The following CADPS variants were observed in gnomAD, a reference collection of about 807,000 sequenced individuals.
The protein encoded by CADPS is calcium-dependent secretion activator 1.
In CADPS, 57 loss-of-function variants were observed where a neutral mutation model predicts 167.3. That is an observed-to-expected ratio of 0.34 (90% CI 0.28 to 0.42). The LOEUF (loss-of-function observed/expected upper bound fraction) is 0.42. Among genes scored for constraint, CADPS ranks in the 20% least tolerant of loss-of-function variants. CADPS has a pLI of 1.00. For synonymous variants in CADPS, 676 were observed against 635.3 expected, an observed-to-expected ratio of 1.06 and a Z score of -0.96; for missense variants, 1,414 against 1,738.1, an observed-to-expected ratio of 0.81 and a Z score of 3.32.
chr3:62,690,706 T>C (rs1911191), intron 3 of CADPS, among the ~76,000 whole-genome samples: 149,437 of 151,798 alleles, frequency 0.98, 73,600 homozygotes, highest in Middle Eastern at 1. Context: ...TGGATTACTG[T>C]ATGAGTCTAA....
chr3:62,790,903 A>G lies in CADPS; in HGVS notation c.442-24919T>C, dbSNP rs74485323. On this transcript the variant is annotated intron_variant, in intron 1 of 29. Transcript: ENST00000383710. ...AGTCTAATTAGAATATTTTCAATAA[A>G]GTTCTGATGCTTTTGTTACCGTCAT... Among the ~76,000 whole-genome samples, 796 of 152,112 alleles carry G rather than the reference A, an allele frequency of 5.2e-3. 12 individuals are homozygous for G. Among genetic ancestry groups the G allele is most frequent in the African/African-American group, 0.018 (746 of 41,502 alleles).
intron 9 of CADPS, among the ~76,000 whole-genome samples, chr3:62,562,914 T>A (rs60572285): frequency 0.017 from 2,548 of 152,318 alleles, 53 homozygotes; most frequent in African/African-American, 0.058. Context: ...GAACAATTGT[T>A]AAAGAAAAGT....
At chr3:62,578,246 A>T (rs920261853) in intron 8 of CADPS, among the ~76,000 whole-genome samples, 1 of 151,828 alleles carries the variant, frequency 6.6e-6, no homozygotes, top group South Asian at 2.1e-4. Flanking sequence ...CACACAAAGT[A>T]AATTGCAGGT....
intron 6 of CADPS, among the ~76,000 whole-genome samples, chr3:62,627,635 A>G (rs990381355): frequency 6.6e-5 from 5 of 75,270 alleles, no homozygotes; most frequent in Non-Finnish European, 1.8e-4. Flanking sequence ...ATATGGTAAT[A>G]CAGAATTAAA....
intron 6 of CADPS, 43 bp downstream of exon 6, chr3:62,645,679 C>A (rs1414690004): frequency 6.2e-6 from 10 of 1,607,814 alleles, no homozygotes; most frequent in African/African-American, 4.0e-5. Flanking sequence ...GAACTAATGG[C>A]AGCAACCCTC....
chr3:62,673,040 C>A (rs867873938), intron 3 of CADPS, among the ~76,000 whole-genome samples: 2 of 152,178 alleles, frequency 1.3e-5, no homozygotes, highest in African/African-American at 2.4e-5. Flanking sequence ...ACATCCTGAA[C>A]CTCCTCTTTT....
At chr3:62,731,041 C>T (rs1384177496) in intron 3 of CADPS, among the ~76,000 whole-genome samples, 1 of 152,180 alleles carries the variant, frequency 6.6e-6, no homozygotes, top group African/African-American at 2.4e-5. Flanking sequence ...TGCTCATTCC[C>T]TCATCTTTAG....
At chr3:62,487,675 G>A (rs1232653527) in intron 21 of CADPS, among the ~76,000 whole-genome samples, 1 of 152,218 alleles carries the variant, frequency 6.6e-6, no homozygotes, top group Non-Finnish European at 1.5e-5. Flanking sequence ...GGGAAAGGCT[G>A]CCATAGGACT....
chr3:62,448,674 C>T (rs545318416), intron 26 of CADPS, among the ~76,000 whole-genome samples: 4 of 151,850 alleles, frequency 2.6e-5, no homozygotes, highest in African/African-American at 4.8e-5. Flanking sequence ...AGTGCAGTGG[C>T]GCGATCTCGG....
chr3:62,530,010 A>G (rs2073286161), intron 13 of CADPS, among the ~76,000 whole-genome samples: 1 of 152,212 alleles, frequency 6.6e-6, no homozygotes, highest in Non-Finnish European at 1.5e-5. Context: ...TCGCCAATTT[A>G]TAAACCCGCA....
At position 62,541,360 on chromosome 3, in the gene CADPS, G is replaced by A. The variant is rs184032388; in HGVS notation, c.1967-4779C>T. ...CAAACATTGCTACCTGTTTCACTTC[G>A]GGGGTTTAATTGCATAAGGATTTTT... On this transcript the variant is annotated intron_variant, in intron 11 of 29. Transcript: ENST00000383710. Among the ~76,000 whole-genome samples the A allele has an allele frequency of 3.0e-3, 461 of 152,204 alleles. 5 individuals carry two copies. Among genetic ancestry groups the A allele is most frequent in the Admixed American group, 0.018 (273 of 15,288 alleles).
chr3:62,788,470 G>A (rs370738671), intron 1 of CADPS, among the ~76,000 whole-genome samples: 4 of 152,112 alleles, frequency 2.6e-5, no homozygotes, highest in Non-Finnish European at 4.4e-5. Flanking sequence ...AAACAAGATC[G>A]TAAATAAGGT....
chr3:62,590,374 A>G (rs2085675821), intron 7 of CADPS, among the ~76,000 whole-genome samples: 1 of 152,086 alleles, frequency 6.6e-6, no homozygotes, highest in African/African-American at 2.4e-5. Context: ...TTGAAGAAAA[A>G]TGAAAGGCAG....
chr3:62,861,982 C>T (rs577106846), intron 1 of CADPS, among the ~76,000 whole-genome samples: 3 of 152,092 alleles, frequency 2.0e-5, no homozygotes, highest in South Asian at 2.1e-4. Context: ...ACTTCTTCCA[C>T]CCAGCCTGGC....
chr3:62,664,574 G>C (rs2074057537), intron 3 of CADPS, among the ~76,000 whole-genome samples: 1 of 152,174 alleles, frequency 6.6e-6, no homozygotes. Context: ...AGCTCTAAGT[G>C]CAAATCCACT....
chr3:62,841,012 C>A (rs188063666), intron 1 of CADPS, among the ~76,000 whole-genome samples: 7 of 152,298 alleles, frequency 4.6e-5, no homozygotes, highest in Admixed American at 4.6e-4. Context: ...TGTATTCATT[C>A]ATCTAAAAGT....
At chr3:62,660,823 T>C (rs145556064) in intron 4 of CADPS, among the ~76,000 whole-genome samples, 8 of 152,366 alleles carry the variant, frequency 5.3e-5, no homozygotes, top group Middle Eastern at 3.4e-3. Context: ...AAAAATACTT[T>C]ACTAAAATAG....
At chr3:62,595,609 A>G (rs2058797540) in intron 6 of CADPS, among the ~76,000 whole-genome samples, 1 of 152,216 alleles carries the variant, frequency 6.6e-6, no homozygotes, top group Admixed American at 6.5e-5. Context: ...GTATTCTAGT[A>G]ATAGTGATTA....
chr3:62,438,770 T>A lies in CADPS; in HGVS notation c.3670-559A>T. On this transcript the variant is annotated intron_variant, in intron 27 of 29. Coordinates refer to ENST00000383710, the MANE Select transcript of CADPS (RefSeq NM_003716.4). This position sits in a 1 kb window ranked among gnomAD's most constrained non-coding sequence, Gnocchi z 4.7. ...GTGTGTGTGTGTGTATAGCTTAACCTGAGTGGATATAGTATTTGCTAATTA... is the reference window on the plus strand; with the variant it reads ...GTGTGTGTGTGTGTATAGCTTAACCAGAGTGGATATAGTATTTGCTAATTA... 1 of 151,886 alleles carries A rather than the reference T, an allele frequency of 6.6e-6. No individual in the cohort carries two copies. Among genetic ancestry groups the A allele is most frequent in the Non-Finnish European group, 1.5e-5 (1 of 68,360 alleles). 9.4% of individuals were successfully genotyped at this position (151,886 alleles called of 1,614,324 possible).
Sources: gnomAD v4.1 joint callset for allele counts (sites outside exome capture counted in the v4.1 genomes callset) on GRCh38, gnomAD v4.1.1 for gene constraint, Gnocchi (gnomAD v3.1) non-coding constraint, MANE v1.5 for transcripts, NCBI Gene and HGNC (gene_info 2026-07-23, HGNC 2026-07-21) for gene names.